The following ARHGEF10L variants were observed in gnomAD, a reference collection of about 807,000 sequenced individuals.
ARHGEF10L encodes Rho guanine nucleotide exchange factor 10 like.
ARHGEF10L carries 69 observed loss-of-function variants against 141.2 expected under a neutral mutation model. That is an observed-to-expected ratio of 0.49 (90% CI 0.40 to 0.60). The LOEUF (loss-of-function observed/expected upper bound fraction) is 0.60, where lower values mean the gene tolerates loss of function less well. Among genes scored for constraint, ARHGEF10L ranks in the 20% least tolerant of loss-of-function variants. ARHGEF10L has a pLI of 0.00. For missense variants in ARHGEF10L, 1,482 were observed against 1,734.3 expected (o/e 0.85, Z 2.58); for synonymous variants, 711 against 718.5 (o/e 0.99, Z 0.17).
At chr1:17,588,572 C>T (rs2079231651) in intron 4 of ARHGEF10L, 93 bp downstream of exon 4, 1 of 1,507,110 alleles carries the variant, frequency 6.6e-7, no homozygotes, top group Non-Finnish European at 9.2e-7. Context: ...CCCAGAGGAC[C>T]CGACTGGTCT....
chr1:17,670,988 G>C (rs941448265), intron 26 of ARHGEF10L, among the ~76,000 whole-genome samples: 1 of 152,238 alleles, frequency 6.6e-6, no homozygotes, highest in East Asian at 1.9e-4. Context: ...ACCCCTTCAT[G>C]GTCTCAGCAC....
chr1:17,694,210 G>A (rs1424105162), intron 27 of ARHGEF10L: 1 of 152,388 alleles, frequency 6.6e-6, no homozygotes, highest in Non-Finnish European at 1.5e-5. Context: ...CGGTCCTATA[G>A]GACTGCCATT....
intron 26 of ARHGEF10L, among the ~76,000 whole-genome samples, chr1:17,678,498 C>A (rs2063868159): frequency 6.7e-6 from 1 of 149,530 alleles, no homozygotes; most frequent in Non-Finnish European, 1.5e-5. Context: ...CGGCTCACTG[C>A]AACATCTGCC....
upstream of ARHGEF10L, among the ~76,000 whole-genome samples, chr1:17,537,345 A>G (rs2076589419): frequency 6.6e-6 from 1 of 152,320 alleles, no homozygotes; most frequent in East Asian, 1.9e-4. Context: ...GGTTATATTG[A>G]TAAGGGTTCT....
chr1:17,643,900 G>A (rs757268412), intron 21 of ARHGEF10L, among the ~76,000 whole-genome samples: 3 of 152,192 alleles, frequency 2.0e-5, no homozygotes, highest in Non-Finnish European at 4.4e-5. Flanking sequence ...TACCGGTTAG[G>A]CTCTTGTTGG....
intron 9 of ARHGEF10L, chr1:17,618,379 A>C: frequency 6.5e-7 from 1 of 1,542,172 alleles, no homozygotes. Context: ...TCGTGGGGGA[A>C]GAGGAAGCTG....
At chr1:17,645,379 A>T (rs1044699478) in intron 21 of ARHGEF10L, among the ~76,000 whole-genome samples, 17 of 151,946 alleles carry the variant, frequency 1.1e-4, no homozygotes, top group Non-Finnish European at 5.9e-5. Flanking sequence ...TCAGATCATT[A>T]AAAAAAATAC....
rs1482518556 is a variant in ARHGEF10L, at chr1:17,678,779, G to A, written c.3010-8794G>A. Among the ~76,000 whole-genome samples, 5 of 152,172 alleles carry A rather than the reference G, an allele frequency of 3.3e-5. 1 individual carries two copies. The highest frequency in any genetic ancestry group is 9.7e-5 in the African/African-American group (4 of 41,440). On this transcript the variant is annotated intron_variant, in intron 26 of 28. Coordinates refer to ENST00000361221, the MANE Select transcript of ARHGEF10L (RefSeq NM_018125.4). ...TTTGGCACAGCCAGGTCAGGACAGC[G>A]TTCTCTGCAGTGGCACTTTCTGTAT... is the stretch of plus-strand genomic sequence containing the variant.
chr1:17,664,557 CG>C lies in ARHGEF10L; in HGVS notation c.2974del (p.Val992SerfsTer23). Reference protein sequence around the residue: ...EDAVWASCGPRVTVLEATTLQ... With the variant: ...EDAVWASCGPXVTVLEATTLQ... ...TGCCGTGTGGGCCAGCTGTGGGCCC[CG>C]GGTCACTGTCCTGGAAGCCACCACC... On this transcript the variant is annotated frameshift_variant, in exon 26 of 29. Transcript: ENST00000361221. LOFTEE classifies it high-confidence loss of function. 2 of 1,605,974 alleles carry C rather than the reference CG, an allele frequency of 1.2e-6. No individual in the cohort carries two copies. Among genetic ancestry groups the C allele is most frequent in the Non-Finnish European group, 1.7e-6 (2 of 1,178,384 alleles).
At chr1:17,626,118 T>C in intron 14 of ARHGEF10L, 70 bp downstream of exon 14, 1 of 1,397,234 alleles carries the variant, frequency 7.2e-7, no homozygotes, top group South Asian at 1.2e-5. Context: ...CCTCCTGGGG[T>C]AGGAGGGAGG....
At chr1:17,570,324 G>C (rs1489479035) in intron 1 of ARHGEF10L, among the ~76,000 whole-genome samples, 1 of 152,234 alleles carries the variant, frequency 6.6e-6, no homozygotes, top group African/African-American at 2.4e-5. Flanking sequence ...CATGTGTGTG[G>C]GCTGTCAGGA....
Position 17,632,261 on chromosome 1 carries a change from C to T in ARHGEF10L, c.1585-60C>T, listed in dbSNP as rs199775274. 6.3e-4 allele frequency: 1,001 copies of T among 1,599,522 alleles called. 7 individuals are homozygous for T. In the African/African-American group the frequency reaches 9.1e-3, roughly 15 times the overall value. On this transcript the variant is annotated intron_variant, in intron 15 of 28. Transcript: ENST00000361221. The stretch of plus-strand genomic sequence containing the variant: ...GCACCATGGGAGGATTCTGGGTCTC[C>T]GGCGCGGTAAAGCCGCCGGGCCGCG...
In ARHGEF10L at chr1:17,619,467, G is replaced by A; in HGVS notation, c.942+22G>A. On this transcript the variant is annotated intron_variant, in intron 10 of 28. Coordinates refer to ENST00000361221, the MANE Select transcript of ARHGEF10L (RefSeq NM_018125.4). The surrounding 1 kb of genome is among the most constrained non-coding windows in gnomAD (Gnocchi z 5.0). ...GCAGGTCTGTGGGGGAGTGGGGCAG[G>A]TGGGGGTCTGCAGGGGAAGGGGTGG... 3 of 1,554,118 alleles carry A rather than the reference G, an allele frequency of 1.9e-6. No individual in the cohort carries two copies. Among genetic ancestry groups the A allele is most frequent in the Non-Finnish European group, 2.6e-6 (3 of 1,146,460 alleles).
At chr1:17,520,398 GC>G in the ARHGEF10L span, among the ~76,000 whole-genome samples, 5 of 152,364 alleles carry the variant, frequency 3.3e-5, no homozygotes, top group East Asian at 9.6e-4. Flanking sequence ...GTAGAAGGGG[GC>G]TGCCCCTGTC....
intron 27 of ARHGEF10L, among the ~76,000 whole-genome samples, chr1:17,692,635 C>G (rs1234184505): frequency 6.6e-6 from 1 of 152,198 alleles, no homozygotes; most frequent in Non-Finnish European, 1.5e-5. Context: ...TGGGCAGCTG[C>G]GGGAGCCCCT....
At chr1:17,617,096 G>C (rs1187527776) in intron 9 of ARHGEF10L, among the ~76,000 whole-genome samples, 1 of 152,212 alleles carries the variant, frequency 6.6e-6, no homozygotes, top group East Asian at 1.9e-4. Flanking sequence ...GGAGGCCTCA[G>C]GTGGCGGAAG....
intron 9 of ARHGEF10L, among the ~76,000 whole-genome samples, chr1:17,616,886 T>C (rs1156236641): frequency 6.6e-6 from 1 of 152,146 alleles, no homozygotes; most frequent in Non-Finnish European, 1.5e-5. Flanking sequence ...TACGAGATGT[T>C]CCAGAGATGC....
chr1:17,601,065 A>AAC (rs779126347), intron 4 of ARHGEF10L, among the ~76,000 whole-genome samples: 9,572 of 142,028 alleles, frequency 0.067, 180 homozygotes, highest in Non-Finnish European at 0.1. Flanking sequence ...AAAAAAAAAA[A>AAC]AAACAAAAAA....
At chr1:17,634,596 C>T (rs2060890939) in intron 17 of ARHGEF10L, 34 bp downstream of exon 17, 1 of 1,606,798 alleles carries the variant, frequency 6.2e-7, no homozygotes, top group Admixed American at 1.7e-5. Context: ...GGCTCTGGGG[C>T]TCTGGGGCTC....
Sources: allele counts gnomAD v4.1 joint callset (sites outside exome capture counted in the v4.1 genomes callset), GRCh38; gene constraint gnomAD v4.1.1; non-coding constraint Gnocchi (gnomAD v3.1); transcripts MANE v1.5; gene names NCBI Gene and HGNC (gene_info 2026-07-23, HGNC 2026-07-21).